The following EMILIN1 variants were observed in gnomAD, a reference collection of about 807,000 sequenced individuals.
EMILIN1 encodes the protein elastin microfibril interfacer 1, also known as EMILIN-1.
A neutral mutation model predicts 82.4 loss-of-function variants in EMILIN1; 49 were observed. That is an observed-to-expected ratio of 0.59 (90% CI 0.47 to 0.75). EMILIN1 has a LOEUF of 0.75. Ranked by LOEUF, EMILIN1 falls within the 30% of genes least tolerant of loss-of-function variation. The probability of loss-of-function intolerance (pLI) is 0.00; values close to 1 mark genes in which losing one functional copy is unlikely to be tolerated. For missense variants in EMILIN1, 1,313 were observed against 1,366.4 expected, an observed-to-expected ratio of 0.96 and a Z score of 0.62; for synonymous variants, 604 against 602.2, an observed-to-expected ratio of 1.00 and a Z score of -0.04.
chr2:27,078,957 A>T lies in EMILIN1; in HGVS notation c.-109A>T, dbSNP rs1245675208. Reference sequence around the variant, plus strand: ...GGCTATCAGAAGGAAACTGGGACGGACGGGCCGGGCTCGGGCTGTCCTGTG... The same window carrying T: ...GGCTATCAGAAGGAAACTGGGACGGTCGGGCCGGGCTCGGGCTGTCCTGTG... On this transcript the variant is annotated 5_prime_UTR_variant, in exon 1 of 8. Transcript: ENST00000380320. 1.2e-6 allele frequency: 1 copy of T among 844,058 alleles called. No homozygotes were observed. Among genetic ancestry groups the T allele is most frequent in the African/African-American group, 1.8e-5 (1 of 55,352 alleles). The allele number at this position is 844,058 out of a possible 1,614,324, so 52.3% of individuals were successfully genotyped here. A position where few individuals can be genotyped will look rare whatever the true frequency, so the allele number is the denominator to read the frequency against.
Position 27,079,021 on chromosome 2 carries a change from G to C in EMILIN1, c.-45G>C. 1 of 1,453,846 alleles carries C rather than the reference G, an allele frequency of 6.9e-7. No homozygotes were observed. Among genetic ancestry groups the C allele is most frequent in the Non-Finnish European group, 9.1e-7 (1 of 1,095,384 alleles). The allele number at this position is 1,453,846 out of a possible 1,614,324, so 90.1% of individuals were successfully genotyped here. ...CCCGGGGCCGGCAGAGGCGCCAGTG[G>C]CTGGGCGGGATGAGTCTCTGAGGGC... is the stretch of plus-strand genomic sequence containing the variant. On this transcript the variant is annotated 5_prime_UTR_variant, in exon 1 of 8. Transcript: ENST00000380320.
In EMILIN1 at chr2:27,085,741, A is replaced by T. The variant is rs201888768; in HGVS notation, c.2777A>T (p.His926Leu). The T allele has an allele frequency of 7.0e-5, 112 of 1,610,662 alleles. No individual in the cohort carries two copies. The highest frequency in any genetic ancestry group is 8.7e-5 in the Non-Finnish European group (102 of 1,178,190). The change falls in exon 8 of 8, where the codon CAC becomes CTC. Residue 926 changes from histidine (H) to leucine (L), a missense_variant. Transcript: ENST00000380320. Reference sequence around the variant, plus strand: ...AGCGCGGTGCTGACTGGGCACCGGCACGAGAAAGTGGAGGCCGTGCTGTCC... The same window carrying T: ...AGCGCGGTGCTGACTGGGCACCGGCTCGAGAAAGTGGAGGCCGTGCTGTCC... ...LLSAVLTGHR[H>L]EKVEAVLSRS...
Position 27,085,162 on chromosome 2 carries a change from G to A in EMILIN1, c.2578G>A (p.Val860Met), listed in dbSNP as rs113364468. The A allele has an allele frequency of 6.2e-7, 1 of 1,614,206 alleles. No individual in the cohort carries two copies. The highest frequency in any genetic ancestry group is 8.5e-7 in the Non-Finnish European group (1 of 1,180,042). ...TAACATCCACCCTTCCCACTCAGGA[G>A]TGGAGGGGGCACCAGCAGCCCCTGT... ...GPPGPQGEQG[V>M]EGAPAAPVPQ... Residue 860 changes from valine to methionine, a missense_variant and splice_region_variant, in exon 7 of 8, where the codon GTG (valine) becomes ATG (methionine). Physicochemically the swap from Val to Met is conservative, Grantham distance 21. Coordinates refer to ENST00000380320, the MANE Select transcript of EMILIN1 (RefSeq NM_007046.4).
intron 4 of EMILIN1, 111 bp from the exon 5 acceptor site, chr2:27,084,304 G>T: frequency 1.3e-6 from 1 of 748,176 alleles, no homozygotes; most frequent in South Asian, 1.7e-5. Flanking sequence ...AGCCTGCAAA[G>T]CTCCACCTGT....
intron 1 of EMILIN1, 32 bp from the exon 2 acceptor site, chr2:27,080,119 G>A (rs1669447464): frequency 2.5e-6 from 4 of 1,612,626 alleles, no homozygotes; most frequent in Non-Finnish European, 1.7e-6. Context: ...TGTATCTTTG[G>A]TCCTTGGACC....
At chr2:27,081,440 T>C (rs972510262) in intron 3 of EMILIN1, among the ~76,000 whole-genome samples, 6 of 152,106 alleles carry the variant, frequency 3.9e-5, no homozygotes, top group Non-Finnish European at 7.4e-5. Flanking sequence ...CCTTCCCTCC[T>C]GCGTGCTGCA....
In EMILIN1 at chr2:27,083,400, G is replaced by C; in HGVS notation, c.1829G>C (p.Arg610Pro). Residue 610 changes from arginine to proline, a missense_variant, in exon 4 of 8, where the codon CGG (arginine) becomes CCG (proline). Physicochemically the swap from Arg to Pro is moderately radical, Grantham distance 103 (BLOSUM62 -2). Coordinates refer to ENST00000380320, the MANE Select transcript of EMILIN1 (RefSeq NM_007046.4). ...ERCSCPLLPP[R>P]GPGAGPGVGG... is the part of the protein sequence containing the mutation. ...TGCTCCTGCCCCCTGTTGCCTCCTC[G>C]GGGTCCTGGGGCTGGTCCAGGTGTT... 1 of 1,612,026 alleles carries C rather than the reference G, an allele frequency of 6.2e-7. No individual in the cohort carries two copies. Among genetic ancestry groups the C allele is most frequent in the Non-Finnish European group, 8.5e-7 (1 of 1,179,958 alleles).
intron 1 of EMILIN1, 33 bp from the exon 2 acceptor site, chr2:27,080,118 G>T (rs1669447427): frequency 6.2e-7 from 1 of 1,612,248 alleles, no homozygotes; most frequent in Non-Finnish European, 8.5e-7. Flanking sequence ...ATGTATCTTT[G>T]GTCCTTGGAC....
rs543461603 is a variant in EMILIN1 at position 27,080,872 on chromosome 2, C to T, written c.431C>T (p.Pro144Leu). ...APALGPASST[P>L]RPLARPARPN... ...GCGCTGGGGCCTGCGTCTTCCACAC[C>T]ACGGCCCCTGGCCCGGCCTGCCCGC... is the stretch of plus-strand genomic sequence containing the variant. The change falls in exon 3 of 8, where the codon CCA (proline) becomes CTA (leucine). Residue 144 changes from proline (P) to leucine (L), a missense_variant. Pro to Leu is a moderately conservative substitution (Grantham distance 98). Transcript: ENST00000380320. 9.9e-6 allele frequency: 16 copies of T among 1,610,470 alleles called. No homozygotes were observed. In the Admixed American group the frequency reaches 2.0e-4, roughly 20 times the overall value.
chr2:27,084,892 C>A, intron 5 of EMILIN1, 99 bp from the exon 6 acceptor site: 1 of 1,155,476 alleles, frequency 8.7e-7, no homozygotes, highest in Non-Finnish European at 1.3e-6. Flanking sequence ...TTGAAGTCCA[C>A]GTAGCACCGA....
chr2:27,079,571 C>T (rs981025560), intron 1 of EMILIN1, among the ~76,000 whole-genome samples: 11 of 152,196 alleles, frequency 7.2e-5, no homozygotes, highest in African/African-American at 1.9e-4. Flanking sequence ...CTCCCTTGAC[C>T]CCATCCAGTA....
intron 7 of EMILIN1, 62 bp downstream of exon 7, chr2:27,085,359 T>G: frequency 5.0e-5 from 79 of 1,574,656 alleles, no homozygotes; most frequent in Non-Finnish European, 6.0e-5. Context: ...CAGTGATATC[T>G]TCCCATTCTT....
At position 27,082,583 on chromosome 2, in the gene EMILIN1, C is replaced by T. The variant is rs1452922256; in HGVS notation, c.1012C>T (p.Arg338Trp). The change falls in exon 4 of 8, where the codon CGG becomes TGG. Residue 338 changes from arginine (R) to tryptophan (W), a missense_variant. Coordinates refer to ENST00000380320, the MANE Select transcript of EMILIN1 (RefSeq NM_007046.4). ...GCTGGCCTCGGTGGAGGAGCGGCAA[C>T]GGCACCTCGCAGGGCTGGCGGTGGG... ...KLLASVEERQ[R>W]HLAGLAVGRR... 19 of 1,542,270 alleles carry T rather than the reference C, an allele frequency of 1.2e-5. No homozygotes were observed. The highest frequency in any genetic ancestry group is 2.0e-5 in the Admixed American group (1 of 50,884).
rs369893643 is a variant in EMILIN1, at chr2:27,083,867, A to G, written c.2296A>G (p.Asn766Asp). ...AGLWAGLRET[N>D]TTSQMQAALL... is the part of the protein sequence containing the mutation. ...GCTCTGGGCTGGGCTCCGGGAAACC[A>G]ACACCACCAGCCAGATGCAGGCAGC... Residue 766 changes from asparagine (N) to aspartate (D), a missense_variant, in exon 4 of 8, where the codon AAC becomes GAC. Transcript: ENST00000380320. The G allele has an allele frequency of 1.9e-6, 3 of 1,607,860 alleles. No individual in the cohort carries two copies. The highest frequency in any genetic ancestry group is 2.6e-6 in the Non-Finnish European group (3 of 1,175,642).
chr2:27,082,918 G>T lies in EMILIN1; in HGVS notation c.1347G>T (p.Leu449Phe), dbSNP rs557123421. ...LPAARGRLEQ[L>F]GGLLANVSGE... ...CTGCCCGGGGCCGACTAGAGCAGTT[G>T]GGGGGGCTGCTGGCCAATGTGAGCG... Residue 449 changes from leucine (L) to phenylalanine (F), a missense_variant, in exon 4 of 8, where the codon TTG becomes TTT. By Grantham distance (22) the Leu-to-Phe change is conservative (BLOSUM62 0). Coordinates refer to ENST00000380320, the MANE Select transcript of EMILIN1 (RefSeq NM_007046.4). 94 of 1,595,962 alleles carry T rather than the reference G, an allele frequency of 5.9e-5. No individual in the cohort carries two copies. Among genetic ancestry groups the T allele is most frequent in the Middle Eastern group, 2.2e-4 (1 of 4,526 alleles).
chr2:27,078,825 T>G lies in EMILIN1; in HGVS notation c.-241T>G. On this transcript the variant is annotated 5_prime_UTR_variant, in exon 1 of 8. Transcript: ENST00000380320. ...CACAGAGAACAAACCCCCTCAGAAG[T>G]GAAGAGGAGAGCGGAAGGAACCGAG... 3 of 444,966 alleles carry G rather than the reference T, an allele frequency of 6.7e-6. No individual in the cohort carries two copies. The highest frequency in any genetic ancestry group is 1.2e-5 in the Non-Finnish European group (3 of 252,476). The allele number at this position is 444,966 out of a possible 1,614,324, so 27.6% of individuals were successfully genotyped here. A position where few individuals can be genotyped will look rare whatever the true frequency, so the allele number is the denominator to read the frequency against.
In EMILIN1 at chr2:27,082,143, A is replaced by AGCTGCAAGGCCTGCGGGGCGT. The variant is rs1333137211; in HGVS notation, c.573_593dup (p.Arg196_Leu202dup). 1 of 1,613,650 alleles carries AGCTGCAAGGCCTGCGGGGCGT rather than the reference A, an allele frequency of 6.2e-7. No individual in the cohort carries two copies. The highest frequency in any genetic ancestry group is 2.2e-5 in the East Asian group (1 of 44,900). On this transcript the variant is annotated inframe_insertion, in exon 4 of 8. Coordinates refer to ENST00000380320, the MANE Select transcript of EMILIN1 (RefSeq NM_007046.4). ...GAACAGGTGCAGAGCCTGACCAAGG[A>AGCTGCAAGGCCTGCGGGGCGT]GCTGCAAGGCCTGCGGGGCGTCCTG...
At chr2:27,085,444 A>C in intron 7 of EMILIN1, 147 bp downstream of exon 7, 6 of 1,071,494 alleles carry the variant, frequency 5.6e-6, no homozygotes, top group Non-Finnish European at 8.2e-6. Context: ...ATTCATTCTC[A>C]GGCAGTGGGG....
intron 5 of EMILIN1, 149 bp from the exon 6 acceptor site, chr2:27,084,842 C>A: frequency 1.3e-6 from 1 of 754,154 alleles, no homozygotes; most frequent in Non-Finnish European, 2.4e-6. Flanking sequence ...CAGAATGGAC[C>A]CTACCTATTC....
Sources: allele counts gnomAD v4.1 joint callset (sites outside exome capture counted in the v4.1 genomes callset), GRCh38; gene constraint gnomAD v4.1.1; transcripts MANE v1.5; gene names NCBI Gene and HGNC (gene_info 2026-07-23, HGNC 2026-07-21).